GRHL2: variants seen among roughly 807,000 people sequenced by gnomAD.
GRHL2 encodes grainyhead like transcription factor 2, also known as grainyhead-like protein 2 homolog.
GRHL2 carries 21 observed loss-of-function variants against 83.8 expected under a neutral mutation model. That is an observed-to-expected ratio of 0.25 (90% CI 0.18 to 0.36). The LOEUF is 0.36. GRHL2 is among the 10% of genes least tolerant of loss of function. The pLI, the probability that GRHL2 is intolerant of heterozygous loss-of-function variation, is 1.00. For synonymous variants in GRHL2, 280 were observed against 278.9 expected (o/e 1.00, Z -0.04); for missense variants, 623 against 781.8 (o/e 0.80, Z 2.42).
At chr8:101,673,716 C>A (rs201428384), downstream of GRHL2, among the ~76,000 whole-genome samples, 26 of 151,916 alleles carry the variant, frequency 1.7e-4, no homozygotes, top group South Asian at 8.4e-4. Context: ...CCTAATAGAC[C>A]TCTACAGAAC....
intron 9 of GRHL2, among the ~76,000 whole-genome samples, chr8:101,626,108 G>T (rs1444029864): frequency 1.3e-5 from 2 of 152,004 alleles, no homozygotes; most frequent in Non-Finnish European, 2.9e-5. Context: ...TTTCAAATGG[G>T]TGTGTAAATA....
intron 1 of GRHL2, among the ~76,000 whole-genome samples, chr8:101,526,946 G>A (rs1278094680): frequency 6.6e-6 from 1 of 152,086 alleles, no homozygotes; most frequent in East Asian, 1.9e-4. Flanking sequence ...TTGTTTGTTT[G>A]CTTGTTTTGT....
At position 101,619,588 on chromosome 8, in the gene GRHL2, G is replaced by A; in HGVS notation, c.1148G>A (p.Gly383Glu). ...CLSTDFSSQK[G>E]VKGLPLMIQI... ...AGCACAGATTTCTCCTCCCAAAAAG[G>A]GGTGAAAGGACTTCCTTTGATGATT... The change falls in exon 9 of 16, where the codon GGG (glycine) becomes GAG (glutamate). Residue 383 changes from glycine (G) to glutamate (E), a missense_variant. Gly to Glu is a moderately conservative substitution (Grantham distance 98). Around this residue, in one of 8 missense-constraint regions of GRHL2, gnomAD observed 2 missense variants for 17.8 expected, o/e 0.11. Coordinates refer to ENST00000646743, the MANE Select transcript of GRHL2 (RefSeq NM_024915.4). 1 of 1,613,550 alleles carries A rather than the reference G, an allele frequency of 6.2e-7. No homozygotes were observed. Among genetic ancestry groups the A allele is most frequent in the Non-Finnish European group, 8.5e-7 (1 of 1,179,626 alleles).
At chr8:101,653,858 T>C (rs899286994) in intron 14 of GRHL2, among the ~76,000 whole-genome samples, 3 of 152,164 alleles carry the variant, frequency 2.0e-5, no homozygotes, top group African/African-American at 7.2e-5. Context: ...CCTGGTTGAA[T>C]TGAAGCCCAT....
chr8:101,581,731 G>C (rs573093488), intron 7 of GRHL2, among the ~76,000 whole-genome samples: 2 of 152,124 alleles, frequency 1.3e-5, no homozygotes, highest in Admixed American at 6.5e-5. Context: ...TGTAATTAAG[G>C]CAGAGCCCTG....
chr8:101,608,057 TG>T (rs1179497787), intron 8 of GRHL2, among the ~76,000 whole-genome samples: 1 of 152,258 alleles, frequency 6.6e-6, no homozygotes, highest in African/African-American at 2.4e-5. Context: ...ATAAAATGAT[TG>T]TGTGTGCGTG....
intron 9 of GRHL2, among the ~76,000 whole-genome samples, chr8:101,625,073 A>G (rs1813054894): frequency 6.6e-6 from 1 of 152,168 alleles, no homozygotes; most frequent in Admixed American, 6.6e-5. Flanking sequence ...TATAACAGAT[A>G]ATTTTTTAAA....
intron 2 of GRHL2, among the ~76,000 whole-genome samples, chr8:101,547,749 G>A (rs746157833): frequency 2.6e-5 from 4 of 152,068 alleles, no homozygotes; most frequent in Non-Finnish European, 5.9e-5. Flanking sequence ...TTAAAAGTAT[G>A]CATTTGGAGC....
rs751395861 is a variant in GRHL2, at chr8:101,652,344, TGTGTG to T, written c.1698+2851_1698+2855del. On this transcript the variant is annotated intron_variant, in intron 14 of 15. Transcript: ENST00000646743. ...CGTGTGTGTGTGGTGTGTGTGTATG[TGTGTG>T]GTGTGTGTGGTGTGTGTGTGTCTGA... is the stretch of plus-strand genomic sequence containing the variant. Among the ~76,000 whole-genome samples the T allele has an allele frequency of 9.8e-3, 682 of 69,430 alleles. 6 individuals carry two copies. Among genetic ancestry groups the T allele is most frequent in the South Asian group, 0.034 (64 of 1,898 alleles). 45.5% of individuals were successfully genotyped at this position (69,430 alleles called of 152,430 possible).
At chr8:101,550,906 G>A (rs1226322391) in intron 2 of GRHL2, among the ~76,000 whole-genome samples, 3 of 151,950 alleles carry the variant, frequency 2.0e-5, no homozygotes, top group African/African-American at 7.3e-5. Flanking sequence ...GTGTCTTCAG[G>A]GTCCCTCCAT....
At chr8:101,649,709 C>T (rs1374638091) in intron 14 of GRHL2, among the ~76,000 whole-genome samples, 1 of 152,098 alleles carries the variant, frequency 6.6e-6, no homozygotes, top group Non-Finnish European at 1.5e-5. Flanking sequence ...TGCCAATTCC[C>T]TGTCAGTTTA....
chr8:101,677,922 A>C, the GRHL2 span, among the ~76,000 whole-genome samples: 1 of 152,134 alleles, frequency 6.6e-6, no homozygotes, highest in Non-Finnish European at 1.5e-5. Context: ...ATCTTTCCCT[A>C]TGCAATAATC....
intron 1 of GRHL2, among the ~76,000 whole-genome samples, chr8:101,493,948 G>A (rs992794189): frequency 2.0e-5 from 3 of 152,140 alleles, no homozygotes; most frequent in Non-Finnish European, 4.4e-5. Context: ...GGAGGGAGCC[G>A]GAGGTGGGTC....
rs565797276 is a variant in GRHL2 at position 101,494,025 on chromosome 8, G to A, written c.20+1236G>A. ...CCTCCTCTCGGGCGCGTCCGGGCCT[G>A]GGAACTGGCTGCGTCCTATTGGAAG... On this transcript the variant is annotated intron_variant, in intron 1 of 15. Transcript: ENST00000646743. 4.6e-5 allele frequency among the ~76,000 whole-genome samples: 7 copies of A among 152,270 alleles called. No homozygotes were observed. In the East Asian group the frequency reaches 1.4e-3, roughly 30 times the overall value.
intron 9 of GRHL2, 26 bp downstream of exon 9, chr8:101,619,723 A>G (rs1258755980): frequency 6.4e-7 from 1 of 1,574,674 alleles, no homozygotes; most frequent in Non-Finnish European, 8.7e-7. Flanking sequence ...AGTTTTTTAT[A>G]AAGGTATCTT....
At chr8:101,529,544 G>T in intron 1 of GRHL2, 1 of 233,448 alleles carries the variant, frequency 4.3e-6, no homozygotes, top group East Asian at 1.1e-4. Flanking sequence ...TTCCACTTAT[G>T]GTGCACCACC....
At chr8:101,676,082 C>T in the GRHL2 span, among the ~76,000 whole-genome samples, 2 of 151,396 alleles carry the variant, frequency 1.3e-5, no homozygotes, top group Non-Finnish European at 3.0e-5. Context: ...AAGACTTAAA[C>T]GTTAGACCTA....
intron 8 of GRHL2, among the ~76,000 whole-genome samples, chr8:101,616,295 T>C (rs1167776545): frequency 1.3e-5 from 2 of 151,928 alleles, no homozygotes; most frequent in Non-Finnish European, 2.9e-5. Context: ...TTCAGCCTCC[T>C]GAGTAGCTGG....
Position 101,631,714 on chromosome 8 carries a change from A to G in GRHL2, c.1335A>G (p.Gln445=), listed in dbSNP as rs777317774. The G allele has an allele frequency of 1.6e-5, 26 of 1,612,056 alleles. No homozygotes were observed. Among genetic ancestry groups the G allele is most frequent in the African/African-American group, 2.7e-5 (2 of 74,996 alleles). Residue 445 remains glutamine, a synonymous_variant, in exon 10 of 16, where the codon CAA becomes CAG. Transcript: ENST00000646743. ...KKGKGQASQT[Q]CNSSSDGKLA... ...GGAAAGGCCAGGCCTCCCAAACTCA[A>G]TGCAACAGCTGTGAGTTTCACTGAG...
Sources: allele counts gnomAD v4.1 joint callset (sites outside exome capture counted in the v4.1 genomes callset), GRCh38; gene constraint gnomAD v4.1.1; regional missense constraint gnomAD v4.1.1; transcripts MANE v1.5; gene names NCBI Gene and HGNC (gene_info 2026-07-23, HGNC 2026-07-21).